DLG2: variants seen among roughly 807,000 people sequenced by gnomAD.
DLG2 encodes the protein discs large MAGUK scaffold protein 2.
Under a neutral mutation model 132.5 loss-of-function variants are expected in DLG2, and 45 were observed. The observed-to-expected ratio is 0.34, with a 90% CI of 0.27 to 0.44. The LOEUF (loss-of-function observed/expected upper bound fraction) is 0.44. DLG2 is among the 20% of genes least tolerant of loss of function. The probability of loss-of-function intolerance (pLI) is 1.00; values close to 1 mark genes in which losing one functional copy is unlikely to be tolerated. For synonymous variants in DLG2, 424 were observed against 419.6 expected (o/e 1.01, Z -0.13); for missense variants, 1,045 against 1,196.9 (o/e 0.87, Z 1.87).
intron 3 of DLG2, among the ~76,000 whole-genome samples, chr11:85,566,629 C>A (rs2077539449): frequency 6.6e-6 from 1 of 152,022 alleles, no homozygotes; most frequent in Admixed American, 6.6e-5. Context: ...TTCCCATGGT[C>A]CCATTCACAA....
chr11:84,799,206 T>C (rs1052556144), intron 6 of DLG2, among the ~76,000 whole-genome samples: 2 of 152,194 alleles, frequency 1.3e-5, no homozygotes. Context: ...CTTTATCTCA[T>C]GGTGGCGAGC....
intron 9 of DLG2, among the ~76,000 whole-genome samples, chr11:84,123,402 T>A (rs554472735): frequency 2.0e-5 from 3 of 152,358 alleles, no homozygotes; most frequent in Admixed American, 2.0e-4. Context: ...AAGTCTATGC[T>A]GTGCTTGGAG....
chr11:84,297,322 T>C (rs2098104557), intron 7 of DLG2, among the ~76,000 whole-genome samples: 1 of 152,126 alleles, frequency 6.6e-6, no homozygotes, highest in Non-Finnish European at 1.5e-5. Flanking sequence ...GTGTGAACAT[T>C]GGAGTTCAAA....
chr11:85,617,952 T>G (rs2081451805), intron 2 of DLG2, among the ~76,000 whole-genome samples: 1 of 152,208 alleles, frequency 6.6e-6, no homozygotes, highest in Admixed American at 6.5e-5. Flanking sequence ...TTTCACAGGA[T>G]TTTCTACTTT....
At position 84,125,413 on chromosome 11, in the gene DLG2, T is replaced by C. The variant is rs1256448439; in HGVS notation, c.625-26366A>G. ...CAAGCAGGTGAGAATCAGTGGGCCT[T>C]CTGTGAGATTATTATGCTGAATAAA... On this transcript the variant is annotated intron_variant, in intron 9 of 27. Coordinates refer to ENST00000376104, the MANE Select transcript of DLG2 (RefSeq NM_001142699.3). Among the ~76,000 whole-genome samples, 3 of 152,324 alleles carry C rather than the reference T, an allele frequency of 2.0e-5. No individual in the cohort carries two copies. In the East Asian group the frequency reaches 5.8e-4, roughly 29 times the overall value.
intron 6 of DLG2, among the ~76,000 whole-genome samples, chr11:84,788,805 T>C (rs1315743082): frequency 3.3e-5 from 5 of 152,124 alleles, no homozygotes; most frequent in Admixed American, 6.6e-5. Context: ...TAATAATGTA[T>C]GTTGACTCAA....
intron 3 of DLG2, among the ~76,000 whole-genome samples, chr11:85,519,069 G>A (rs1482808188): frequency 6.6e-6 from 1 of 152,148 alleles, no homozygotes; most frequent in Non-Finnish European, 1.5e-5. Context: ...TGTGGGGGCA[G>A]GGCCCTCATG....
chr11:85,108,189 G>A lies in DLG2; in HGVS notation c.357+3472C>T, dbSNP rs149876487. On this transcript the variant is annotated intron_variant, in intron 6 of 27. Coordinates refer to ENST00000376104, the MANE Select transcript of DLG2 (RefSeq NM_001142699.3). The stretch of plus-strand genomic sequence containing the variant: ...GGCAAATGCAGACATGAAAACCAAG[G>A]CTTTTTTGCAAAATGTAATAAAGCC... Among the ~76,000 whole-genome samples, 33 of 152,108 alleles carry A rather than the reference G, an allele frequency of 2.2e-4. No individual in the cohort carries two copies. In the East Asian group the frequency reaches 6.2e-3, roughly 29 times the overall value.
chr11:85,542,607 G>C (rs932666054), intron 3 of DLG2, among the ~76,000 whole-genome samples: 7 of 152,080 alleles, frequency 4.6e-5, no homozygotes, highest in African/African-American at 1.7e-4. Flanking sequence ...ATCCTGACTT[G>C]TTGGCTCTGG....
chr11:85,362,127 T>C (rs1244799235), intron 3 of DLG2, among the ~76,000 whole-genome samples: 1 of 152,184 alleles, frequency 6.6e-6, no homozygotes, highest in African/African-American at 2.4e-5. Flanking sequence ...TGTCTAATTT[T>C]TGCATTTTTG....
intron 7 of DLG2, among the ~76,000 whole-genome samples, chr11:84,341,612 G>A (rs999415401): frequency 1.3e-5 from 2 of 152,212 alleles, no homozygotes; most frequent in Non-Finnish European, 2.9e-5. Context: ...CAAGGGTTGA[G>A]AATCACTGCA....
At chr11:84,349,579 C>G (rs77599290) in intron 7 of DLG2, among the ~76,000 whole-genome samples, 4 of 152,160 alleles carry the variant, frequency 2.6e-5, no homozygotes, top group Non-Finnish European at 2.9e-5. Context: ...ATGCTTTGCA[C>G]GGTCATGTAC....
intron 6 of DLG2, among the ~76,000 whole-genome samples, chr11:84,899,106 C>A (rs1251135882): frequency 6.6e-6 from 1 of 151,972 alleles, no homozygotes; most frequent in African/African-American, 2.4e-5. Flanking sequence ...ACTAAATAAT[C>A]TTCTATAAAG....
At chr11:85,509,616 C>A (rs952456488) in intron 3 of DLG2, among the ~76,000 whole-genome samples, 2 of 152,180 alleles carry the variant, frequency 1.3e-5, no homozygotes, top group East Asian at 1.9e-4. Context: ...GAACCGATAT[C>A]CTCCGATGTA....
intron 7 of DLG2, among the ~76,000 whole-genome samples, chr11:84,396,177 C>T (rs766266551): frequency 1.1e-4 from 17 of 152,150 alleles, no homozygotes; most frequent in Admixed American, 1.3e-4. Context: ...AAATCCTTTA[C>T]TTATAGCTCC....
intron 16 of DLG2, among the ~76,000 whole-genome samples, chr11:83,837,388 G>C (rs1383814144): frequency 6.6e-6 from 1 of 152,116 alleles, no homozygotes; most frequent in Non-Finnish European, 1.5e-5. Context: ...GGTGGGGATG[G>C]AAATTCAGTT....
At chr11:84,029,297 T>G (rs904187971) in intron 11 of DLG2, among the ~76,000 whole-genome samples, 13 of 152,026 alleles carry the variant, frequency 8.6e-5, no homozygotes, top group African/African-American at 3.1e-4. Flanking sequence ...ATACCCTACT[T>G]CTATCCAAAT....
chr11:83,846,703 C>T (rs574314306), intron 16 of DLG2, among the ~76,000 whole-genome samples: 1 of 152,030 alleles, frequency 6.6e-6, no homozygotes, highest in Non-Finnish European at 1.5e-5. Context: ...ATCAATCAGA[C>T]AAATTAAAAA....
intron 5 of DLG2, chr11:85,133,100 G>C (rs947864118): frequency 2.8e-5 from 9 of 324,500 alleles, no homozygotes; most frequent in African/African-American, 1.8e-4. Flanking sequence ...CAAGGCTCCT[G>C]TGAGTGCCCC....
Sources: gnomAD v4.1 joint callset for allele counts (sites outside exome capture counted in the v4.1 genomes callset) on GRCh38, gnomAD v4.1.1 for gene constraint, MANE v1.5 for transcripts, NCBI Gene and HGNC (gene_info 2026-07-23, HGNC 2026-07-21) for gene names.